The following ENPEP variants were observed in gnomAD, a reference collection of about 807,000 sequenced individuals.
ENPEP encodes the protein glutamyl aminopeptidase.
ENPEP carries 103 observed loss-of-function variants against 114.5 expected under a neutral mutation model. The observed-to-expected ratio is 0.90, with a 90% confidence interval of 0.77 to 1.06. The LOEUF (loss-of-function observed/expected upper bound fraction) is 1.06, where lower values mean the gene tolerates loss of function less well. ENPEP is among the 50% of genes least tolerant of loss of function. The pLI is 0.00. For synonymous variants in ENPEP, 420 were observed against 422.0 expected, an observed-to-expected ratio of 1.00 and a Z score of 0.06; for missense variants, 1,196 against 1,161.3, an observed-to-expected ratio of 1.03 and a Z score of -0.43.
intron 3 of ENPEP, among the ~76,000 whole-genome samples, chr4:110,492,657 T>A (rs1463311146): frequency 2.0e-5 from 3 of 152,218 alleles, no homozygotes; most frequent in Non-Finnish European, 4.4e-5. Context: ...TAAAGGGAAC[T>A]ACTAGTGGCT....
At chr4:110,495,802 C>T (rs28661783) in intron 3 of ENPEP, among the ~76,000 whole-genome samples, 1 of 152,040 alleles carries the variant, frequency 6.6e-6, no homozygotes, top group East Asian at 1.9e-4. Context: ...ATCTCAGGAG[C>T]CCTTGAATTT....
At chr4:110,560,950 T>TCAGAGGGCTTTGGAGGTC (rs1727656804) in intron 19 of ENPEP, among the ~76,000 whole-genome samples, 4 of 151,924 alleles carry the variant, frequency 2.6e-5, no homozygotes, top group Admixed American at 2.6e-4. Context: ...TCAGAGGGAG[T>TCAGAGGGCTTTGGAGGTC]ACAGCACTAA....
chr4:110,486,400 C>A (rs911963678), intron 1 of ENPEP, among the ~76,000 whole-genome samples: 4 of 152,166 alleles, frequency 2.6e-5, no homozygotes, highest in Non-Finnish European at 5.9e-5. Flanking sequence ...TGGCTCCAGT[C>A]CGTCTGGTTC....
At chr4:110,548,390 T>A in intron 14 of ENPEP, 64 bp downstream of exon 14, 2 of 1,349,356 alleles carry the variant, frequency 1.5e-6, no homozygotes, top group Non-Finnish European at 1.9e-6. Context: ...ATAGGATGCT[T>A]TCTGAGAGAA....
chr4:110,507,657 G>A (rs1313194496), intron 4 of ENPEP, among the ~76,000 whole-genome samples: 1 of 152,198 alleles, frequency 6.6e-6, no homozygotes, highest in Non-Finnish European at 1.5e-5. Context: ...GAAGGAGCTG[G>A]AAAAAGAAAC....
Position 110,506,702 on chromosome 4 carries a change from T to C in ENPEP, c.984T>C (p.Ser328=), listed in dbSNP as rs748104343. 4.3e-6 allele frequency: 7 copies of C among 1,610,420 alleles called. No homozygotes were observed. Among genetic ancestry groups the C allele is most frequent in the East Asian group, 2.2e-5 (1 of 44,784 alleles). ...AATATGCTGCAAACATAACTAAAAG[T>C]GTGTTTGATTATTTTGAAGAATACT... ...TAEYAANITK[S]VFDYFEEYFA... Residue 328 remains serine, a synonymous_variant, in exon 4 of 20, where the codon AGT becomes AGC. Coordinates refer to ENST00000265162, the MANE Select transcript of ENPEP (RefSeq NM_001977.4).
At chr4:110,548,886 A>G (rs975379102) in intron 14 of ENPEP, among the ~76,000 whole-genome samples, 1 of 152,076 alleles carries the variant, frequency 6.6e-6, no homozygotes, top group African/African-American at 2.4e-5. Flanking sequence ...ATGATTTAAC[A>G]TTTGTGAGTC....
chr4:110,546,458 G>T (rs1036317474), intron 13 of ENPEP, among the ~76,000 whole-genome samples: 3 of 151,908 alleles, frequency 2.0e-5, no homozygotes, highest in Non-Finnish European at 4.4e-5. Context: ...GAGTATGCTG[G>T]CTGACAAGGC....
chr4:110,532,121 A>G (rs1726429280), intron 11 of ENPEP, among the ~76,000 whole-genome samples: 1 of 152,184 alleles, frequency 6.6e-6, no homozygotes, highest in African/African-American at 2.4e-5. Flanking sequence ...CCTTTTAAGA[A>G]CAGCTTTACT....
Position 110,491,164 on chromosome 4 carries a change from T to G in ENPEP, c.918T>G (p.Pro306=), listed in dbSNP as rs541913126. The stretch of plus-strand genomic sequence containing the variant: ...AGAGAATATCAAATAGTGGAAAACC[T>G]GTGAGTCTCATTATATTTTAAAAAT... ...SVKRISNSGK[P]LTIYVQPEQK... The change falls in exon 3 of 20, where the codon CCT becomes CCG. Residue 306 remains proline, a splice_region_variant and synonymous_variant. Coordinates refer to ENST00000265162, the MANE Select transcript of ENPEP (RefSeq NM_001977.4). 3 of 1,597,662 alleles carry G rather than the reference T, an allele frequency of 1.9e-6. No homozygotes were observed. The East Asian group carries it at 6.8e-5, about 36-fold the overall frequency.
At position 110,476,759 on chromosome 4, in the gene ENPEP, C is replaced by A; in HGVS notation, c.345C>A (p.Tyr115Ter). The A allele has an allele frequency of 6.2e-7, 1 of 1,614,216 alleles. No individual in the cohort carries two copies. The stretch of plus-strand genomic sequence containing the variant: ...AGCCCCTGTTGGAGGAGGACACCTA[C>A]ACGGGCACCGTGAGCATCTCCATCA... ...HVKPLLEEDT[Y>*]TGTVSISINL... The change falls in exon 1 of 20, where the codon TAC becomes TAA. Residue 115 changes from tyrosine to a stop codon, truncating the protein, a stop_gained. Transcript: ENST00000265162. LOFTEE classifies it high-confidence loss of function.
In ENPEP at chr4:110,527,173, G is replaced by T. The variant is rs997681223; in HGVS notation, c.1728-4025G>T. Among the ~76,000 whole-genome samples the T allele has an allele frequency of 4.6e-5, 7 of 152,270 alleles. No individual in the cohort carries two copies. In the East Asian group the frequency reaches 1.4e-3, roughly 29 times the overall value. ...AAGCACTTGACTTTCCAAGGCATCA[G>T]AGAATGATGAACTCTCAGAATTATT... On this transcript the variant is annotated intron_variant, in intron 10 of 19. Transcript: ENST00000265162.
intron 2 of ENPEP, among the ~76,000 whole-genome samples, chr4:110,489,777 A>G (rs954522148): frequency 1.2e-4 from 19 of 152,306 alleles, no homozygotes; most frequent in African/African-American, 4.3e-4. Flanking sequence ...GGTCAGCCTC[A>G]TCTTTAGGTA....
intron 1 of ENPEP, among the ~76,000 whole-genome samples, chr4:110,487,384 A>C (rs548133104): frequency 3.9e-5 from 6 of 152,326 alleles, no homozygotes; most frequent in East Asian, 1.9e-4. Flanking sequence ...TGCAGCTTAA[A>C]GGTTAAAAGC....
intron 1 of ENPEP, 112 bp downstream of exon 1, chr4:110,477,170 C>G (rs1233380373): frequency 5.8e-6 from 8 of 1,381,994 alleles, no homozygotes; most frequent in Non-Finnish European, 7.7e-6. Context: ...TGATATTGAT[C>G]GGCTCTTGGT....
intron 13 of ENPEP, among the ~76,000 whole-genome samples, chr4:110,546,265 G>C (rs1317940175): frequency 2.0e-5 from 3 of 151,902 alleles, no homozygotes; most frequent in Non-Finnish European, 4.4e-5. Context: ...TGGAGCATAG[G>C]ACTTAGTCTT....
chr4:110,546,397 C>T (rs1375878065), intron 13 of ENPEP, among the ~76,000 whole-genome samples: 2 of 151,842 alleles, frequency 1.3e-5, no homozygotes, highest in Non-Finnish European at 2.9e-5. Context: ...CCTCTTCAGC[C>T]CACTTCTTGC....
chr4:110,490,134 G>A (rs1223516100), intron 2 of ENPEP, among the ~76,000 whole-genome samples: 1 of 152,088 alleles, frequency 6.6e-6, no homozygotes, highest in Non-Finnish European at 1.5e-5. Flanking sequence ...CCTTTTCACT[G>A]TGCAGAGTTA....
At chr4:110,541,326 C>T (rs1726838410) in intron 11 of ENPEP, among the ~76,000 whole-genome samples, 1 of 152,156 alleles carries the variant, frequency 6.6e-6, no homozygotes, top group Non-Finnish European at 1.5e-5. Flanking sequence ...CCCAAACTGA[C>T]TCACCTTCCT....
Sources: gnomAD v4.1 joint callset for allele counts (sites outside exome capture counted in the v4.1 genomes callset) on GRCh38, gnomAD v4.1.1 for gene constraint, MANE v1.5 for transcripts, NCBI Gene and HGNC (gene_info 2026-07-23, HGNC 2026-07-21) for gene names.